Variants in EIF3A observed in about 807,000 individuals in gnomAD.
The protein encoded by EIF3A is eukaryotic translation initiation factor 3 subunit A, also known as EIF3, p180 subunit.
A neutral mutation model predicts 186.6 loss-of-function variants in EIF3A; 21 were observed. The ratio of observed to expected loss-of-function variants is 0.11; its 90% CI spans 0.08 to 0.16. The LOEUF is 0.16. EIF3A is among the 10% of genes least tolerant of loss of function. EIF3A has a pLI of 1.00. For missense variants in EIF3A, 1,306 were observed against 1,796.3 expected, an observed-to-expected ratio of 0.73 and a Z score of 4.93; for synonymous variants, 563 against 584.3, an observed-to-expected ratio of 0.96 and a Z score of 0.52.
chr10:119,038,370 T>C lies in EIF3A; in HGVS notation c.3596A>G (p.Glu1199Gly), dbSNP rs538619754. The change falls in exon 20 of 22, where the codon GAA becomes GGA. Residue 1199 changes from glutamate to glycine, a missense_variant. Glu to Gly is a moderately conservative substitution (Grantham distance 98, BLOSUM62 -2). Around this residue, in one of 8 missense-constraint regions of EIF3A, gnomAD observed 331 missense variants for 365.8 expected, o/e 0.90. Coordinates refer to ENST00000369144, the MANE Select transcript of EIF3A (RefSeq NM_003750.4). ...TTTTTCTCTGTCCCATTCACGTTCTTCTGATGGCCTTGATTCTCGAGGTGG... is the reference window on the plus strand; with the variant it reads ...TTTTTCTCTGTCCCATTCACGTTCTCCTGATGGCCTTGATTCTCGAGGTGG... ...WGPPRESRPSEEREWDREKER... is the reference protein window; with the variant it reads ...WGPPRESRPSGEREWDREKER... The C allele has an allele frequency of 6.2e-7, 1 of 1,614,212 alleles. No individual in the cohort carries two copies. The highest frequency in any genetic ancestry group is 1.7e-5 in the Admixed American group (1 of 60,026).
intron 6 of EIF3A, among the ~76,000 whole-genome samples, chr10:119,066,970 T>G (rs994393616): frequency 6.6e-5 from 10 of 151,922 alleles, no homozygotes; most frequent in African/African-American, 2.2e-4. Flanking sequence ...CCCAACACTT[T>G]GGGAGGCCGA....
rs1257163017 is a variant in EIF3A, at chr10:119,071,065, A to G, written c.562T>C (p.Tyr188His). The change falls in exon 5 of 22, where the codon TAC becomes CAC. Residue 188 changes from tyrosine (Y) to histidine (H), a missense_variant. Tyr to His is a moderately conservative substitution (Grantham distance 83, BLOSUM62 2). Coordinates refer to ENST00000369144, the MANE Select transcript of EIF3A (RefSeq NM_003750.4). ...AQQAFKFCLQ[Y>H]TRKAEFRKLC... is the part of the protein sequence containing the mutation. ...TTACGGAATTCAGCCTTACGCGTGT[A>G]TTGGAGGCAGAATTTGAAAGCTATA... The G allele has an allele frequency of 1.2e-6, 2 of 1,613,660 alleles. No individual in the cohort carries two copies. The highest frequency in any genetic ancestry group is 8.5e-7 in the Non-Finnish European group (1 of 1,179,662).
chr10:119,061,112 T>C (rs1314950898), intron 8 of EIF3A, 112 bp downstream of exon 8: 1 of 607,056 alleles, frequency 1.6e-6, no homozygotes, highest in African/African-American at 1.9e-5. Context: ...AAATGTGCAC[T>C]GAATTCCAAC....
chr10:119,053,354 T>A (rs1848383636), intron 14 of EIF3A, among the ~76,000 whole-genome samples: 1 of 152,072 alleles, frequency 6.6e-6, no homozygotes, highest in Non-Finnish European at 1.5e-5. Flanking sequence ...GGCACTGACT[T>A]CCCTCTAGGT....
intron 5 of EIF3A, 31 bp downstream of exon 5, chr10:119,070,855 C>G: frequency 1.3e-6 from 2 of 1,501,124 alleles, no homozygotes; most frequent in South Asian, 1.1e-5. Context: ...ACTATTATTT[C>G]TAGGAAGAAA....
At chr10:119,076,871 G>T (rs1844183074) in intron 1 of EIF3A, among the ~76,000 whole-genome samples, 1 of 148,408 alleles carries the variant, frequency 6.7e-6, no homozygotes, top group African/African-American at 2.5e-5. Flanking sequence ...AGGAGGCGGA[G>T]GTTGCAGTGA....
At chr10:119,053,245 C>G (rs1848382185) in intron 14 of EIF3A, among the ~76,000 whole-genome samples, 1 of 152,034 alleles carries the variant, frequency 6.6e-6, no homozygotes, top group South Asian at 2.1e-4. Flanking sequence ...TTCTTAAGGA[C>G]CCTAGGATTT....
At chr10:119,062,791 A>G (rs1843910676) in intron 7 of EIF3A, among the ~76,000 whole-genome samples, 1 of 111,570 alleles carries the variant, frequency 9.0e-6, no homozygotes, top group Admixed American at 1.5e-4. Flanking sequence ...TCTGTCACCC[A>G]GGCTAGAGTG....
rs778357598 is a variant in EIF3A at position 119,049,814 on chromosome 10, G to T, written c.2645C>A (p.Ser882Tyr). The change falls in exon 17 of 22, where the codon TCC becomes TAC. Residue 882 changes from serine to tyrosine, a missense_variant. This residue lies in a region of EIF3A where 410 missense variants were observed against 473.5 expected (regional missense o/e 0.87). Transcript: ENST00000369144. The part of the protein sequence containing the change: ...REEERRLGDS[S>Y]LSRKDSRWGD... ...CCCTATACTCACCTTTCTAGAAAGG[G>T]AACTATCGCCAAGTCTTCTCTCTTC... The T allele has an allele frequency of 1.2e-6, 2 of 1,613,436 alleles. No individual in the cohort carries two copies. Among genetic ancestry groups the T allele is most frequent in the Non-Finnish European group, 1.7e-6 (2 of 1,179,606 alleles).
rs1848334442 is a variant in EIF3A, at chr10:119,049,980, C to G, written c.2479G>C (p.Glu827Gln). 9 of 1,613,912 alleles carry G rather than the reference C, an allele frequency of 5.6e-6. No individual in the cohort carries two copies. Among genetic ancestry groups the G allele is most frequent in the Non-Finnish European group, 7.6e-6 (9 of 1,179,996 alleles). ...RAEEQMLKER[E>Q]ERERAERAKR... ...GCTCGTTCGGCGCGCTCTCTCTCTT[C>G]CCGCTCTAGACCATTGATTAGGTTA... The change falls in exon 17 of 22, where the codon GAA becomes CAA. Residue 827 changes from glutamate to glutamine, a missense_variant. Transcript: ENST00000369144.
chr10:119,042,485 G>C lies in EIF3A; in HGVS notation c.3035C>G (p.Ala1012Gly). The change falls in exon 19 of 22, where the codon GCG (alanine) becomes GGG (glycine). Residue 1012 changes from alanine to glycine, a missense_variant. Physicochemically the swap from Ala to Gly is moderately conservative, Grantham distance 60. Around this residue, in one of 8 missense-constraint regions of EIF3A, gnomAD observed 410 missense variants for 473.5 expected, o/e 0.87. Coordinates refer to ENST00000369144, the MANE Select transcript of EIF3A (RefSeq NM_003750.4). This position sits in a 1 kb window ranked among gnomAD's most constrained non-coding sequence, Gnocchi z 7.8. ...ADEDRGNWRHADDDRPPRRGL... is the reference protein window; with the variant it reads ...ADEDRGNWRHGDDDRPPRRGL... ...TCGTCTAGGTGGTCTGTCATCATCC[G>C]CATGACGCCAGTTTCCCCTGTCTTC... 6.2e-7 allele frequency: 1 copy of C among 1,614,038 alleles called. No homozygotes were observed. Among genetic ancestry groups the C allele is most frequent in the Non-Finnish European group, 8.5e-7 (1 of 1,180,014 alleles).
Position 119,058,268 on chromosome 10 carries a change from A to G in EIF3A, c.1665T>C (p.Thr555=). The G allele has an allele frequency of 1.2e-6, 2 of 1,605,720 alleles. No individual in the cohort carries two copies. The highest frequency in any genetic ancestry group is 1.1e-5 in the South Asian group (1 of 89,902). The change falls in exon 12 of 22, where the codon ACT becomes ACC. Residue 555 remains threonine (T), a synonymous_variant. Transcript: ENST00000369144. Reference sequence around the variant, plus strand: ...CTTTTCGTGAATTTTTAAGGTATGCAGTGACAGCCAACTGATGCTGTTCTT... The same window carrying G: ...CTTTTCGTGAATTTTTAAGGTATGCGGTGACAGCCAACTGATGCTGTTCTT... ...EKEEQHQLAV[T]AYLKNSRKEH...
chr10:119,044,309 C>T (rs898876146), intron 17 of EIF3A, among the ~76,000 whole-genome samples, 167 bp from the exon 18 acceptor site: 3 of 152,096 alleles, frequency 2.0e-5, no homozygotes, highest in Admixed American at 6.5e-5. Context: ...ACTGACGCTA[C>T]AGGGAAACTG....
At chr10:119,061,919 G>A (rs1056475411) in intron 7 of EIF3A, among the ~76,000 whole-genome samples, 4 of 152,044 alleles carry the variant, frequency 2.6e-5, no homozygotes, top group Non-Finnish European at 5.9e-5. Flanking sequence ...TTAACCCAAG[G>A]ACAAAATAAC....
chr10:119,071,157 C>T, intron 4 of EIF3A, 72 bp from the exon 5 acceptor site: 1 of 1,084,852 alleles, frequency 9.2e-7, no homozygotes, highest in Non-Finnish European at 1.4e-6. Flanking sequence ...GGTTTTATTT[C>T]ACACATTAAG....
Position 119,060,665 on chromosome 10 carries a change from G to A in EIF3A, c.1326+81C>T. 4.9e-6 allele frequency: 5 copies of A among 1,017,012 alleles called. No individual in the cohort carries two copies. The South Asian group carries it at 5.0e-5, about 10-fold the overall frequency. The allele number at this position is 1,017,012 out of a possible 1,614,324, so 63.0% of individuals were successfully genotyped here. Reference sequence around the variant, plus strand: ...AACTTGGGGAGGTTCTCACTTCCTAGGCAGTTCTAGATTTTTCCAGTTTTT... The same window carrying A: ...AACTTGGGGAGGTTCTCACTTCCTAAGCAGTTCTAGATTTTTCCAGTTTTT... On this transcript the variant is annotated intron_variant, in intron 9 of 21. Coordinates refer to ENST00000369144, the MANE Select transcript of EIF3A (RefSeq NM_003750.4).
chr10:119,044,776 A>T (rs1000266924), intron 17 of EIF3A, among the ~76,000 whole-genome samples: 6 of 152,154 alleles, frequency 3.9e-5, no homozygotes, highest in African/African-American at 1.4e-4. Flanking sequence ...TGAACCCAGA[A>T]GGCAAAACTT....
rs112504254 is a variant in EIF3A at position 119,038,475 on chromosome 10, T to C, written c.3527-36A>G. Reference sequence around the variant, plus strand: ...GAAAAAGCAAAACATTTTTAAAATATTTTTAAAAGAAGAAACAGATTGGCA... The same window carrying C: ...GAAAAAGCAAAACATTTTTAAAATACTTTTAAAAGAAGAAACAGATTGGCA... On this transcript the variant is annotated intron_variant, in intron 19 of 21. Transcript: ENST00000369144. 4,594 of 1,533,882 alleles carry C rather than the reference T, an allele frequency of 3.0e-3. 121 individuals carry two copies. The African/African-American group carries it at 0.056, about 19-fold the overall frequency.
intron 6 of EIF3A, among the ~76,000 whole-genome samples, chr10:119,069,068 T>C (rs1844030972): frequency 6.6e-6 from 1 of 152,144 alleles, no homozygotes; most frequent in African/African-American, 2.4e-5. Context: ...GATAGAAAGC[T>C]CATCCGTTAA....
Sources: gnomAD v4.1 joint callset for allele counts (sites outside exome capture counted in the v4.1 genomes callset) on GRCh38, gnomAD v4.1.1 for gene constraint, gnomAD v4.1.1 regional missense constraint, Gnocchi (gnomAD v3.1) non-coding constraint, MANE v1.5 for transcripts, NCBI Gene and HGNC (gene_info 2026-07-23, HGNC 2026-07-21) for gene names.